The following STXBP5L variants were observed in gnomAD, a reference collection of about 807,000 sequenced individuals.
STXBP5L encodes the protein syntaxin binding protein 5L, also known as syntaxin-binding protein 5-like.
In STXBP5L, 65 loss-of-function variants were observed where a neutral mutation model predicts 144.5. That is an observed-to-expected ratio of 0.45 (90% CI 0.37 to 0.55). The LOEUF (loss-of-function observed/expected upper bound fraction) is 0.55. Ranked by LOEUF, STXBP5L falls within the 20% of genes least tolerant of loss-of-function variation. STXBP5L has a pLI of 0.00. For missense variants in STXBP5L, 1,298 were observed against 1,405.5 expected (o/e 0.92, Z 1.22); for synonymous variants, 505 against 469.6 (o/e 1.08, Z -0.97).
chr3:121,119,054 G>A (rs1235156666), intron 6 of STXBP5L, among the ~76,000 whole-genome samples: 1 of 151,440 alleles, frequency 6.6e-6, no homozygotes. Context: ...AGAGTATGTA[G>A]AGAAAAGTTA....
At chr3:121,290,159 T>C (rs931830129) in intron 19 of STXBP5L, among the ~76,000 whole-genome samples, 1 of 151,994 alleles carries the variant, frequency 6.6e-6, no homozygotes, top group East Asian at 1.9e-4. Context: ...ACATTAATGA[T>C]ATTAACCAAG....
intron 3 of STXBP5L, among the ~76,000 whole-genome samples, chr3:120,961,643 T>A (rs914557424): frequency 6.6e-6 from 1 of 152,242 alleles, no homozygotes; most frequent in African/African-American, 2.4e-5. Context: ...ATGGTGTATA[T>A]GTGCCATATT....
intron 9 of STXBP5L, among the ~76,000 whole-genome samples, chr3:121,185,930 C>A (rs1427291473): frequency 2.0e-5 from 3 of 152,196 alleles, no homozygotes; most frequent in African/African-American, 4.8e-5. Flanking sequence ...TACCCATGAT[C>A]ATAGAATGTT....
intron 7 of STXBP5L, among the ~76,000 whole-genome samples, chr3:121,140,688 G>A (rs1433010252): frequency 6.6e-6 from 1 of 152,112 alleles, no homozygotes; most frequent in Admixed American, 6.6e-5. Context: ...TTAAAAAATT[G>A]ATTACATTGA....
At chr3:121,360,609 T>C (rs2045683970) in intron 20 of STXBP5L, among the ~76,000 whole-genome samples, 1 of 152,118 alleles carries the variant, frequency 6.6e-6, no homozygotes, top group Admixed American at 6.5e-5. Context: ...GAATACTATC[T>C]TATAACCCGC....
chr3:121,388,618 G>T (rs1487064707), intron 22 of STXBP5L, among the ~76,000 whole-genome samples: 1 of 152,160 alleles, frequency 6.6e-6, no homozygotes. Flanking sequence ...GTTGAATTTT[G>T]TTGAAGGCCT....
At chr3:121,025,729 A>T (rs1945877926) in intron 3 of STXBP5L, among the ~76,000 whole-genome samples, 1 of 151,696 alleles carries the variant, frequency 6.6e-6, no homozygotes. Context: ...GGATTATATT[A>T]GTTGTCTTAT....
At chr3:121,208,604 T>A (rs1445121822) in intron 10 of STXBP5L, among the ~76,000 whole-genome samples, 4 of 152,164 alleles carry the variant, frequency 2.6e-5, no homozygotes, top group Non-Finnish European at 5.9e-5. Flanking sequence ...ATATTTTGCC[T>A]CTTGAAATAT....
At chr3:121,021,193 G>C (rs985747610) in intron 3 of STXBP5L, among the ~76,000 whole-genome samples, 4 of 152,038 alleles carry the variant, frequency 2.6e-5, no homozygotes, top group Admixed American at 2.6e-4. Context: ...AATGATAAAA[G>C]GATTAGTCCA....
chr3:121,044,631 G>T (rs573650777), intron 4 of STXBP5L, among the ~76,000 whole-genome samples: 1 of 152,028 alleles, frequency 6.6e-6, no homozygotes, highest in Non-Finnish European at 1.5e-5. Flanking sequence ...TTTTCAGCTG[G>T]TTAGCTGTCA....
intron 19 of STXBP5L, among the ~76,000 whole-genome samples, chr3:121,296,694 TGATA>T (rs1472496242): frequency 1.3e-5 from 2 of 151,786 alleles, no homozygotes; most frequent in East Asian, 3.9e-4. Context: ...AGTGGGCTTT[TGATA>T]GATAGACAGA....
intron 5 of STXBP5L, among the ~76,000 whole-genome samples, chr3:121,089,490 A>G (rs1179862165): frequency 6.7e-6 from 1 of 150,204 alleles, no homozygotes; most frequent in Non-Finnish European, 1.5e-5. Flanking sequence ...TTTCTCCCAT[A>G]GTTAAGGTGT....
At chr3:121,136,315 C>T (rs987845662) in intron 7 of STXBP5L, among the ~76,000 whole-genome samples, 2 of 152,164 alleles carry the variant, frequency 1.3e-5, no homozygotes, top group African/African-American at 2.4e-5. Flanking sequence ...CTCCCCACCA[C>T]AGCTCCTGAC....
chr3:121,194,229 T>C (rs1486042824), intron 9 of STXBP5L, among the ~76,000 whole-genome samples: 1 of 152,154 alleles, frequency 6.6e-6, no homozygotes. Flanking sequence ...ACTACTTTAG[T>C]CTCTGTGTGT....
intron 19 of STXBP5L, among the ~76,000 whole-genome samples, chr3:121,299,975 C>CAAAAAAAAAAAAAAA (rs35062789): frequency 8.6e-6 from 1 of 115,738 alleles, no homozygotes; most frequent in Non-Finnish European, 1.8e-5. Flanking sequence ...GACCTGATCT[C>CAAAAAAAAAAAAAAA]AAAAAAAAAA....
chr3:120,979,397 G>T (rs148911439), intron 3 of STXBP5L, among the ~76,000 whole-genome samples: 11 of 152,152 alleles, frequency 7.2e-5, no homozygotes, highest in South Asian at 2.1e-4. Context: ...TAAGCCTGTC[G>T]GAAAAGCGCA....
chr3:121,122,230 T>A (rs1024540375), intron 7 of STXBP5L, among the ~76,000 whole-genome samples: 4 of 150,012 alleles, frequency 2.7e-5, no homozygotes, highest in African/African-American at 9.7e-5. Flanking sequence ...TATTAATTAA[T>A]TAATATTAAT....
At chr3:121,155,894 G>C (rs920828873) in intron 8 of STXBP5L, among the ~76,000 whole-genome samples, 1 of 151,830 alleles carries the variant, frequency 6.6e-6, no homozygotes, top group Non-Finnish European at 1.5e-5. Flanking sequence ...AGAAAGTTTA[G>C]GGTTGAGAGT....
intron 22 of STXBP5L, among the ~76,000 whole-genome samples, chr3:121,391,741 C>T (rs2046591127): frequency 6.6e-6 from 1 of 152,198 alleles, no homozygotes; most frequent in African/African-American, 2.4e-5. Context: ...TATTGCAGAA[C>T]AGCAAATATT....
Sources: gnomAD v4.1 joint callset for allele counts (sites outside exome capture counted in the v4.1 genomes callset) on GRCh38, gnomAD v4.1.1 for gene constraint, MANE v1.5 for transcripts, NCBI Gene and HGNC (gene_info 2026-07-23, HGNC 2026-07-21) for gene names.